The following GPM6B variants were observed in gnomAD, a reference collection of about 807,000 sequenced individuals.
The protein encoded by GPM6B is glycoprotein M6B.
Under a neutral mutation model 27.2 loss-of-function variants are expected in GPM6B, and 4 were observed. The ratio of observed to expected loss-of-function variants is 0.15; its 90% CI spans 0.07 to 0.34. The LOEUF (loss-of-function observed/expected upper bound fraction) is 0.34. Ranked by LOEUF, GPM6B falls within the 10% of genes least tolerant of loss-of-function variation. The probability of loss-of-function intolerance (pLI) is 1.00; values close to 1 mark genes in which losing one functional copy is unlikely to be tolerated. For missense variants in GPM6B, 183 were observed against 261.9 expected, an observed-to-expected ratio of 0.70 and a Z score of 2.08; for synonymous variants, 124 against 103.1, an observed-to-expected ratio of 1.20 and a Z score of -1.23.
At chrX:13,861,445 T>C (rs762058081) in intron 1 of GPM6B, among the ~76,000 whole-genome samples, 3 of 111,781 alleles carry the variant, frequency 2.7e-5, no homozygotes, top group Non-Finnish European at 5.6e-5. Context: ...AAGTGTTCCC[T>C]TTCACTGCAT....
At chrX:13,905,153 C>T (rs923849250) in intron 1 of GPM6B, among the ~76,000 whole-genome samples, 1 of 104,007 alleles carries the variant, frequency 9.6e-6, no homozygotes, top group Non-Finnish European at 1.9e-5. Flanking sequence ...ATCGTTTGAG[C>T]CCAGGAGGTC....
intron 2 of GPM6B, among the ~76,000 whole-genome samples, chrX:13,791,080 A>G (rs952919190): frequency 8.9e-6 from 1 of 112,494 alleles, no homozygotes; most frequent in African/African-American, 3.2e-5. Flanking sequence ...AAATCCACAG[A>G]CTGAATTTTC....
At chrX:13,827,271 C>CTTTTTTTTTTTTT (rs1173680918) in intron 1 of GPM6B, among the ~76,000 whole-genome samples, 4 of 73,645 alleles carry the variant, frequency 5.4e-5, no homozygotes, top group Non-Finnish European at 7.6e-5. Flanking sequence ...TACCGACTTC[C>CTTTTTTTTTTTTT]TTTTTTTTTT....
At position 13,785,693 on chromosome X, in the gene GPM6B, G is replaced by A. The variant is rs770289986; in HGVS notation, c.297C>T (p.Leu99=). The A allele has an allele frequency of 8.3e-7, 1 of 1,210,013 alleles. No homozygotes were observed. Among genetic ancestry groups the A allele is most frequent in the Non-Finnish European group, 1.1e-6 (1 of 894,967 alleles). Residue 99 remains leucine, a synonymous_variant, in exon 3 of 8, where the codon CTC becomes CTT. Transcript: ENST00000316715. ...GCTCAAGAATCGCCACGGTGCCTGC[G>A]AGAGCCACATGCCCACAGCCGCAGA... ...ALFCGCGHVA[L]AGTVAILEQH...
intron 1 of GPM6B, among the ~76,000 whole-genome samples, chrX:13,881,193 T>C (rs1325135557): frequency 2.7e-5 from 3 of 111,985 alleles, no homozygotes; most frequent in Non-Finnish European, 3.8e-5. Context: ...ACTGAAACAC[T>C]AAGTGGAGCA....
At chrX:13,846,592 G>A (rs1232911663) in intron 1 of GPM6B, among the ~76,000 whole-genome samples, 2 of 109,354 alleles carry the variant, frequency 1.8e-5, no homozygotes, top group African/African-American at 3.3e-5. Flanking sequence ...CTGGGTTCAC[G>A]CCATTCCCCT....
intron 4 of GPM6B, among the ~76,000 whole-genome samples, chrX:13,782,268 G>A (rs1204346254): frequency 8.9e-6 from 1 of 111,813 alleles, no homozygotes; most frequent in African/African-American, 3.3e-5. Context: ...AGCGGGCCAT[G>A]CTAGGTGGGC....
At chrX:13,931,523 TAAATA>T (rs1012739627) in intron 1 of GPM6B, among the ~76,000 whole-genome samples, 1 of 109,949 alleles carries the variant, frequency 9.1e-6, no homozygotes, top group Non-Finnish European at 1.9e-5. Context: ...GAAAAATAAA[TAAATA>T]AAATTAATAA....
At chrX:13,776,378 T>A in intron 6 of GPM6B, 75 bp from the exon 7 acceptor site, 1 of 783,851 alleles carries the variant, frequency 1.3e-6, no homozygotes, top group South Asian at 2.9e-5. Context: ...GGGGTGCTGC[T>A]TCATCTGTCT....
chrX:13,802,875 T>A (rs986381079), intron 2 of GPM6B, among the ~76,000 whole-genome samples: 16 of 111,600 alleles, frequency 1.4e-4, no homozygotes, highest in African/African-American at 3.9e-4. Context: ...GCAACCAGCC[T>A]CTGGGGACAG....
rs754937349 is a variant in GPM6B at position 13,816,459 on chromosome X, C to CT, written c.61+384dup. Among the ~76,000 whole-genome samples the CT allele has an allele frequency of 1.7e-3, 195 of 111,719 alleles. 1 individual carries two copies. The highest frequency in any genetic ancestry group is 6.1e-3 in the African/African-American group (186 of 30,722). ...CAAAGCAGAATTAACATGCATGCCC[C>CT]TCCAGTTCCTCCTCAGCATTAGCAG... is the stretch of plus-strand genomic sequence containing the variant. On this transcript the variant is annotated intron_variant, in intron 1 of 7. Transcript: ENST00000316715.
Position 13,779,882 on chromosome X carries a change from G to C in GPM6B, c.633C>G (p.Ile211Met). 8.3e-7 allele frequency: 1 copy of C among 1,202,458 alleles called. No homozygotes were observed. Among genetic ancestry groups the C allele is most frequent in the Non-Finnish European group, 1.1e-6 (1 of 888,559 alleles). Residue 211 changes from isoleucine to methionine, a missense_variant, in exon 5 of 8, where the codon ATC becomes ATG. Ile to Met is a conservative substitution (Grantham distance 10). Transcript: ENST00000316715. The part of the protein sequence containing the change: ...FYNIWSTCEV[I>M]KSPQTNGTTG... The stretch of plus-strand genomic sequence containing the variant: ...TGGTCCCGTTGGTCTGCGGTGACTT[G>C]ATGACTTCACAAGTTGACCATATGT...
intron 1 of GPM6B, among the ~76,000 whole-genome samples, chrX:13,840,197 CA>C (rs1274926407): frequency 8.9e-6 from 1 of 112,063 alleles, no homozygotes; most frequent in Non-Finnish European, 1.9e-5. Context: ...AAGGAATTTA[CA>C]TGCAATACCT....
intron 1 of GPM6B, among the ~76,000 whole-genome samples, chrX:13,843,080 A>G (rs1425954182): frequency 1.8e-5 from 2 of 111,471 alleles, no homozygotes; most frequent in Admixed American, 1.9e-4. Flanking sequence ...ATTAGCAGTC[A>G]ATCTGTATTC....
chrX:13,795,458 T>G (rs2048792231), intron 2 of GPM6B, among the ~76,000 whole-genome samples: 1 of 111,440 alleles, frequency 9.0e-6, no homozygotes, highest in African/African-American at 3.3e-5. Context: ...TGTGAGAAAT[T>G]TGAGTTTTCT....
chrX:13,852,826 T>G (rs1253336832), intron 1 of GPM6B, among the ~76,000 whole-genome samples: 1 of 102,368 alleles, frequency 9.8e-6, no homozygotes, highest in East Asian at 3.0e-4. Flanking sequence ...CAGGTTGGAG[T>G]GCAGTGGCAT....
At chrX:13,866,902 A>C (rs1035025059) in intron 1 of GPM6B, among the ~76,000 whole-genome samples, 5 of 112,056 alleles carry the variant, frequency 4.5e-5, no homozygotes, top group Admixed American at 9.4e-5. Flanking sequence ...GGGAAAAGGA[A>C]AAAACATGCT....
chrX:13,935,335 C>CAAAAAAAA (rs60400361), intron 1 of GPM6B, among the ~76,000 whole-genome samples: 3 of 42,705 alleles, frequency 7.0e-5, no homozygotes, highest in Admixed American at 3.9e-4. Flanking sequence ...CCTATCTCTA[C>CAAAAAAAA]AAAAAAAAAA....
intron 2 of GPM6B, among the ~76,000 whole-genome samples, chrX:13,787,304 T>G (rs1244615474): frequency 1.8e-5 from 2 of 111,798 alleles, no homozygotes; most frequent in Non-Finnish European, 3.8e-5. Flanking sequence ...GCAGCTGTTT[T>G]TAGGAAGACC....
Sources: allele counts gnomAD v4.1 joint callset (sites outside exome capture counted in the v4.1 genomes callset), GRCh38; gene constraint gnomAD v4.1.1; transcripts MANE v1.5; gene names NCBI Gene and HGNC (gene_info 2026-07-23, HGNC 2026-07-21).